The following SPART variants were observed in gnomAD, a reference collection of about 807,000 sequenced individuals.
The protein encoded by SPART is spartin, also known as spastic paraplegia 20 (Troyer syndrome).
A neutral mutation model predicts 58.7 loss-of-function variants in SPART; 35 were observed. That is an observed-to-expected ratio of 0.60 (90% CI 0.46 to 0.79). The LOEUF (loss-of-function observed/expected upper bound fraction) is 0.79, where lower values mean the gene tolerates loss of function less well. Among genes scored for constraint, SPART ranks in the 30% least tolerant of loss-of-function variants. The pLI, the probability that SPART is intolerant of heterozygous loss-of-function variation, is 0.00. For synonymous variants in SPART, 284 were observed against 280.7 expected, an observed-to-expected ratio of 1.01 and a Z score of -0.12; for missense variants, 730 against 786.1, an observed-to-expected ratio of 0.93 and a Z score of 0.85.
chr13:36,351,038 G>A (rs562802634), upstream of SPART, among the ~76,000 whole-genome samples: 4 of 152,192 alleles, frequency 2.6e-5, no homozygotes, highest in South Asian at 6.2e-4. Flanking sequence ...CCAAGAACCC[G>A]AGTTTGAAGC....
At chr13:36,324,944 A>C (rs1174731103) in intron 5 of SPART, among the ~76,000 whole-genome samples, 3 of 152,160 alleles carry the variant, frequency 2.0e-5, no homozygotes, top group African/African-American at 7.2e-5. Context: ...GGACTTTCAC[A>C]AGGTAATGTC....
At chr13:36,329,223 T>G in intron 4 of SPART, 139 bp downstream of exon 4, 1 of 876,964 alleles carries the variant, frequency 1.1e-6, no homozygotes, top group Non-Finnish European at 1.9e-6. Flanking sequence ...ATTCTAATTG[T>G]TTTTGCCAGT....
chr13:36,318,482 A>C (rs1019831388), intron 5 of SPART, among the ~76,000 whole-genome samples: 3 of 152,168 alleles, frequency 2.0e-5, no homozygotes, highest in Admixed American at 6.5e-5. Context: ...TTTATTACCC[A>C]ATCTGCTCCT....
At chr13:36,326,959 T>C (rs779561388) in intron 4 of SPART, among the ~76,000 whole-genome samples, 1 of 152,148 alleles carries the variant, frequency 6.6e-6, no homozygotes, top group Non-Finnish European at 1.5e-5. Flanking sequence ...TAACAAATCA[T>C]TTAAATTGAC....
Position 36,326,556 on chromosome 13 carries a change from A to G in SPART, c.1288+19T>C. ...GGCTTAATGTCATACAGGGAAAAAA[A>G]TTAACATTACTGTAATACCTGACAA... On this transcript the variant is annotated intron_variant, in intron 5 of 8. Coordinates refer to ENST00000438666, the MANE Select transcript of SPART (RefSeq NM_015087.5). 1 of 1,612,946 alleles carries G rather than the reference A, an allele frequency of 6.2e-7. No individual in the cohort carries two copies. The highest frequency in any genetic ancestry group is 8.5e-7 in the Non-Finnish European group (1 of 1,179,768).
intron 8 of SPART, among the ~76,000 whole-genome samples, chr13:36,311,148 G>A (rs1198823788): frequency 6.6e-6 from 1 of 152,172 alleles, no homozygotes; most frequent in East Asian, 1.9e-4. Context: ...CCCTGAGAGA[G>A]GGACACCTGG....
chr13:36,366,176 C>T (rs1267844282), intron 1 of SPART, among the ~76,000 whole-genome samples: 1 of 152,180 alleles, frequency 6.6e-6, no homozygotes, highest in Non-Finnish European at 1.5e-5. Flanking sequence ...GGTCTGACTT[C>T]CCTACTCAGC....
At chr13:36,351,037 C>T (rs1006636145), upstream of SPART, among the ~76,000 whole-genome samples, 1 of 152,048 alleles carries the variant, frequency 6.6e-6, no homozygotes. Flanking sequence ...TCCAAGAACC[C>T]GAGTTTGAAG....
At chr13:36,311,495 A>AAACTCTTAT (rs1282532643) in intron 8 of SPART, among the ~76,000 whole-genome samples, 38 of 152,178 alleles carry the variant, frequency 2.5e-4, no homozygotes, top group African/African-American at 8.7e-4. Context: ...CATGGGGTAT[A>AAACTCTTAT]AGAGTTTAAT....
chr13:36,326,726 G>A, intron 4 of SPART, 28 bp from the exon 5 acceptor site: 1 of 1,610,634 alleles, frequency 6.2e-7, no homozygotes, highest in Non-Finnish European at 8.5e-7. Flanking sequence ...TTCAAAATGT[G>A]AAGAGTTAGT....
At chr13:36,345,425 C>T (rs1884996915) in intron 1 of SPART, 1 of 152,140 alleles carries the variant, frequency 6.6e-6, no homozygotes, top group South Asian at 2.1e-4. Flanking sequence ...TCGGAAATTT[C>T]AAAGAAAAAT....
At chr13:36,337,681 C>G (rs1884152407) in intron 1 of SPART, among the ~76,000 whole-genome samples, 1 of 152,182 alleles carries the variant, frequency 6.6e-6, no homozygotes, top group Non-Finnish European at 1.5e-5. Flanking sequence ...CAGTTCTTTA[C>G]AGCAGTGTGA....
Position 36,314,311 on chromosome 13 carries a change from CG to C in SPART, c.1398del (p.Val467TrpfsTer13). 6.2e-7 allele frequency: 1 copy of C among 1,614,134 alleles called. No individual in the cohort carries two copies. The highest frequency in any genetic ancestry group is 1.1e-5 in the South Asian group (1 of 91,080). Reference sequence around the variant, plus strand: ...TTGGTGACAGCTGGACTAACTTCCACGGGTTTTTCTTCTGGTTGAATCCGCT... The same window carrying C: ...TTGGTGACAGCTGGACTAACTTCCACGGTTTTTCTTCTGGTTGAATCCGCT... ...LRERIQPEEK[P>X]VEVSPAVTKG... On this transcript the variant is annotated frameshift_variant, in exon 6 of 9. Coordinates refer to ENST00000438666, the MANE Select transcript of SPART (RefSeq NM_015087.5). LOFTEE classifies it high-confidence loss of function.
At chr13:36,305,893 T>C (rs1450899370) in intron 8 of SPART, among the ~76,000 whole-genome samples, 1 of 152,206 alleles carries the variant, frequency 6.6e-6, no homozygotes, top group East Asian at 1.9e-4. Flanking sequence ...TTATGACCTA[T>C]ATCTGGACAT....
At chr13:36,330,592 C>T (rs1171927796) in intron 3 of SPART, among the ~76,000 whole-genome samples, 1 of 152,110 alleles carries the variant, frequency 6.6e-6, no homozygotes, top group African/African-American at 2.4e-5. Flanking sequence ...TAATGCCCAC[C>T]TCATTCAACC....
rs1472213330 is a variant in SPART, at chr13:36,329,504, C to G, written c.1022G>C (p.Arg341Thr). ...TTGGAATTCATTTTCTTCTTCTGCT[C>G]TGTTCCAGTTGGCCTAGAGAATAAA... ...SDLRLQANWNRAEEENEFQIP... is the reference protein window; with the variant it reads ...SDLRLQANWNTAEEENEFQIP... The change falls in exon 4 of 9, where the codon AGA becomes ACA. Residue 341 changes from arginine (R) to threonine (T), a missense_variant. Transcript: ENST00000438666. The G allele has an allele frequency of 6.2e-7, 1 of 1,614,130 alleles. No individual in the cohort carries two copies. Among genetic ancestry groups the G allele is most frequent in the Non-Finnish European group, 8.5e-7 (1 of 1,180,030 alleles).
intron 6 of SPART, chr13:36,312,704 A>C (rs1881261844): frequency 3.5e-6 from 2 of 572,070 alleles, no homozygotes; most frequent in Admixed American, 3.0e-5. Context: ...CTGCCTCCTG[A>C]GTAGCTGGGA....
chr13:36,340,372 AAAAT>A (rs573496127), intron 1 of SPART, among the ~76,000 whole-genome samples: 66 of 152,064 alleles, frequency 4.3e-4, no homozygotes, highest in South Asian at 3.7e-3. Flanking sequence ...CAAAAAAATA[AAAAT>A]AAATAAATAA....
intron 1 of SPART, among the ~76,000 whole-genome samples, chr13:36,364,609 G>T (rs1354475789): frequency 6.6e-6 from 1 of 152,078 alleles, no homozygotes; most frequent in Non-Finnish European, 1.5e-5. Flanking sequence ...TCCCATTAAC[G>T]AAAAAGAACA....
Sources: allele counts gnomAD v4.1 joint callset (sites outside exome capture counted in the v4.1 genomes callset), GRCh38; gene constraint gnomAD v4.1.1; transcripts MANE v1.5; gene names NCBI Gene and HGNC (gene_info 2026-07-23, HGNC 2026-07-21).